The following PDE1A variants were observed in gnomAD, a reference collection of about 807,000 sequenced individuals.
PDE1A encodes the protein phosphodiesterase 1A.
In PDE1A, 35 loss-of-function variants were observed where a neutral mutation model predicts 61.7. The observed-to-expected ratio is 0.57, with a 90% CI of 0.43 to 0.75. PDE1A has a LOEUF of 0.75. Ranked by LOEUF, PDE1A falls within the 30% of genes least tolerant of loss-of-function variation. The pLI is 0.00. For missense variants in PDE1A, 597 were observed against 630.6 expected, an observed-to-expected ratio of 0.95 and a Z score of 0.57; for synonymous variants, 232 against 213.2, an observed-to-expected ratio of 1.09 and a Z score of -0.77.
intron 2 of PDE1A, among the ~76,000 whole-genome samples, chr2:182,520,870 T>C (rs1258393572): frequency 6.6e-6 from 1 of 152,028 alleles, no homozygotes; most frequent in African/African-American, 2.4e-5. Flanking sequence ...GCATCTATGC[T>C]AATTAATTTT....
chr2:182,631,822 A>C, the PDE1A span, among the ~76,000 whole-genome samples: 6 of 152,220 alleles, frequency 3.9e-5, no homozygotes, highest in Admixed American at 1.3e-4. Flanking sequence ...ATGCTAGGAA[A>C]TTGTCAAAAT....
upstream of PDE1A, among the ~76,000 whole-genome samples, chr2:182,527,370 AT>A (rs1690795274): frequency 9.2e-6 from 1 of 108,814 alleles, no homozygotes; most frequent in Non-Finnish European, 1.9e-5. Flanking sequence ...ATATATATAT[AT>A]ATACACATAT....
intron 1 of PDE1A, among the ~76,000 whole-genome samples, chr2:182,351,083 G>A (rs886904978): frequency 2.6e-5 from 4 of 152,182 alleles, no homozygotes; most frequent in African/African-American, 4.8e-5. Flanking sequence ...GCAACAGAAC[G>A]TGTTCTTGGG....
At chr2:182,612,272 T>C in the PDE1A span, among the ~76,000 whole-genome samples, 2 of 152,204 alleles carry the variant, frequency 1.3e-5, no homozygotes, top group African/African-American at 2.4e-5. Context: ...ATTTCACAGG[T>C]ATTCAAGACA....
chr2:182,480,597 A>C (rs1312441631), intron 2 of PDE1A, among the ~76,000 whole-genome samples: 1 of 151,980 alleles, frequency 6.6e-6, no homozygotes, highest in Non-Finnish European at 1.5e-5. Flanking sequence ...ATGCAAATGA[A>C]GTGATGTGTA....
the PDE1A span, among the ~76,000 whole-genome samples, chr2:182,577,175 A>G: frequency 6.6e-6 from 1 of 152,194 alleles, no homozygotes; most frequent in Non-Finnish European, 1.5e-5. Flanking sequence ...TTATACAGAA[A>G]GAATCTGAAG....
At chr2:182,158,106 T>C (rs1180122917) in intron 13 of PDE1A, among the ~76,000 whole-genome samples, 2 of 152,190 alleles carry the variant, frequency 1.3e-5, no homozygotes, top group African/African-American at 4.8e-5. Flanking sequence ...GAGAGCTAGC[T>C]TCATCTACTT....
the PDE1A span, among the ~76,000 whole-genome samples, chr2:182,628,044 GTGTA>G: frequency 1.1e-5 from 1 of 94,016 alleles, no homozygotes; most frequent in African/African-American, 4.2e-5. Flanking sequence ...TATGAAAAAA[GTGTA>G]TGTGTGCACA....
chr2:182,622,470 G>A, the PDE1A span, among the ~76,000 whole-genome samples: 1 of 152,208 alleles, frequency 6.6e-6, no homozygotes, highest in Non-Finnish European at 1.5e-5. Flanking sequence ...AAACTATCCT[G>A]AAGTAAGTTC....
the PDE1A span, among the ~76,000 whole-genome samples, chr2:182,706,311 G>C: frequency 7.2e-5 from 11 of 152,194 alleles, no homozygotes; most frequent in African/African-American, 2.7e-4. Flanking sequence ...ATATTAGCCT[G>C]AAGTTGAAAT....
chr2:182,522,029 C>T (rs1048694147), intron 2 of PDE1A, among the ~76,000 whole-genome samples: 1 of 152,004 alleles, frequency 6.6e-6, no homozygotes, highest in Non-Finnish European at 1.5e-5. Context: ...ATACAGAATG[C>T]GTAAAAGAAA....
chr2:182,524,036 G>A (rs1690714071), upstream of PDE1A, among the ~76,000 whole-genome samples: 1 of 152,134 alleles, frequency 6.6e-6, no homozygotes, highest in Non-Finnish European at 1.5e-5. Context: ...TGAATGTAAT[G>A]TCTTTAGCTA....
intron 2 of PDE1A, among the ~76,000 whole-genome samples, chr2:182,516,712 G>A (rs1289174144): frequency 2.1e-4 from 13 of 63,182 alleles, no homozygotes; most frequent in Non-Finnish European, 4.0e-4. Flanking sequence ...GAGGAAGGAA[G>A]GAAGGAAGGA....
the PDE1A span, among the ~76,000 whole-genome samples, chr2:182,627,968 A>G: frequency 1.3e-5 from 2 of 151,790 alleles, no homozygotes; most frequent in Non-Finnish European, 2.9e-5. Context: ...AAGAAAGAAA[A>G]AAGAAAAGAA....
intron 2 of PDE1A, among the ~76,000 whole-genome samples, chr2:182,447,120 C>CACACACACAG (rs1685191510): frequency 6.9e-6 from 1 of 144,956 alleles, no homozygotes; most frequent in Non-Finnish European, 1.5e-5. Flanking sequence ...TTTTCACTTA[C>CACACACACAG]ACACACACAC....
intron 2 of PDE1A, among the ~76,000 whole-genome samples, chr2:182,453,037 AAGAT>A (rs1446993745): frequency 6.6e-6 from 1 of 152,116 alleles, no homozygotes; most frequent in East Asian, 1.9e-4. Context: ...ACCTTAAATG[AAGAT>A]AGATACTTTA....
At chr2:182,459,838 G>T (rs2125758237) in intron 2 of PDE1A, among the ~76,000 whole-genome samples, 1 of 152,178 alleles carries the variant, frequency 6.6e-6, no homozygotes, top group African/African-American at 2.4e-5. Flanking sequence ...TTCTCAAAAC[G>T]CTGAGATTCT....
At chr2:182,274,649 T>C (rs767635768) in intron 1 of PDE1A, among the ~76,000 whole-genome samples, 11 of 152,152 alleles carry the variant, frequency 7.2e-5, no homozygotes, top group Non-Finnish European at 1.5e-4. Context: ...ATATGTATTA[T>C]AAAAATTATT....
At chr2:182,457,048 C>T (rs966173721) in intron 2 of PDE1A, among the ~76,000 whole-genome samples, 4 of 152,048 alleles carry the variant, frequency 2.6e-5, no homozygotes, top group African/African-American at 9.7e-5. Context: ...TTTGAGAACA[C>T]TGAAAACCAG....
Sources: gnomAD v4.1 joint callset for allele counts (sites outside exome capture counted in the v4.1 genomes callset) on GRCh38, gnomAD v4.1.1 for gene constraint, MANE v1.5 for transcripts, NCBI Gene and HGNC (gene_info 2026-07-23, HGNC 2026-07-21) for gene names.